FRMPD4: variants seen among roughly 807,000 people sequenced by gnomAD.
FRMPD4 encodes the protein FERM and PDZ domain-containing protein 4.
Under a neutral mutation model 94.1 loss-of-function variants are expected in FRMPD4, and 22 were observed. The ratio of observed to expected loss-of-function variants is 0.23; its 90% CI spans 0.17 to 0.33. FRMPD4 has a LOEUF of 0.33. FRMPD4 is among the 10% of genes least tolerant of loss of function. FRMPD4 has a pLI of 1.00. For missense variants in FRMPD4, 1,111 were observed against 1,339.9 expected (o/e 0.83, Z 2.67); for synonymous variants, 631 against 548.6 (o/e 1.15, Z -2.10).
At chrX:11,830,848 A>T (rs986684110) in intron 1 of FRMPD4, among the ~76,000 whole-genome samples, 1 of 110,943 alleles carries the variant, frequency 9.0e-6, no homozygotes, top group African/African-American at 3.3e-5. Context: ...TAATTGAGAG[A>T]CTGCTTATAA....
chrX:12,488,570 T>C (rs2057761009), intron 1 of FRMPD4, among the ~76,000 whole-genome samples: 2 of 111,869 alleles, frequency 1.8e-5, no homozygotes, highest in South Asian at 7.5e-4. Context: ...AATATGCAGG[T>C]ATGTGATGGG....
chrX:12,038,172 G>A (rs1016103562), intron 3 of FRMPD4, among the ~76,000 whole-genome samples: 7 of 111,766 alleles, frequency 6.3e-5, no homozygotes, highest in Non-Finnish European at 1.1e-4. Flanking sequence ...GATATTAAGT[G>A]GTATGCTTAA....
intron 4 of FRMPD4, among the ~76,000 whole-genome samples, chrX:12,670,542 C>A (rs909277413): frequency 8.9e-6 from 1 of 111,991 alleles, no homozygotes; most frequent in African/African-American, 3.2e-5. Flanking sequence ...TAGCCACATG[C>A]AGAAAGCTCA....
chrX:12,274,870 G>A (rs1383914979), intron 1 of FRMPD4, among the ~76,000 whole-genome samples: 1 of 111,713 alleles, frequency 9.0e-6, no homozygotes, highest in Non-Finnish European at 1.9e-5. Flanking sequence ...TTAGCCAGAC[G>A]CGGTGGTGGG....
intron 1 of FRMPD4, among the ~76,000 whole-genome samples, chrX:11,844,490 T>A (rs756538858): frequency 2.2e-4 from 24 of 111,548 alleles, no homozygotes; most frequent in Admixed American, 1.1e-3. Flanking sequence ...GTGCCCACAC[T>A]TTTAGTCAAA....
In FRMPD4 at chrX:12,717,703, C is replaced by T. The variant is rs372691529; in HGVS notation, c.2877C>T (p.Pro959=). The T allele has an allele frequency of 1.1e-5, 13 of 1,208,779 alleles. No homozygotes were observed. Among genetic ancestry groups the T allele is most frequent in the African/African-American group, 8.7e-5 (5 of 57,313 alleles). Residue 959 remains proline (P), a synonymous_variant, in exon 16 of 17, where the codon CCC becomes CCT. Transcript: ENST00000675598. ...CCGAGTTCCCGGCCTCCAAGACCCC[C>T]GCTGGGGGCTTGCCTCCAAAGTCCT... ...EQTEFPASKT[P]AGGLPPKSSH...
At chrX:11,883,504 A>G (rs2053825548) in intron 3 of FRMPD4, among the ~76,000 whole-genome samples, 1 of 111,727 alleles carries the variant, frequency 9.0e-6, no homozygotes, top group Admixed American at 9.6e-5. Flanking sequence ...AAAGCATTAT[A>G]CTAAGCTCTA....
intron 1 of FRMPD4, among the ~76,000 whole-genome samples, chrX:12,193,158 T>C (rs1447132767): frequency 5.4e-5 from 6 of 111,472 alleles, no homozygotes; most frequent in Admixed American, 2.9e-4. Context: ...TGGTTCCAAA[T>C]CAGCTCTTCT....
At chrX:12,301,179 C>T (rs940618984) in intron 1 of FRMPD4, among the ~76,000 whole-genome samples, 13 of 111,709 alleles carry the variant, frequency 1.2e-4, no homozygotes, top group African/African-American at 3.9e-4. Flanking sequence ...TCACTGTCTC[C>T]TCCCTGACTC....
chrX:11,918,262 A>T (rs2054036071), intron 3 of FRMPD4, among the ~76,000 whole-genome samples: 1 of 112,959 alleles, frequency 8.9e-6, no homozygotes, highest in Admixed American at 9.3e-5. Context: ...TGTAAGGGAG[A>T]GAATAAATTT....
chrX:12,244,783 G>A (rs1011893250), intron 1 of FRMPD4, among the ~76,000 whole-genome samples: 3 of 112,245 alleles, frequency 2.7e-5, no homozygotes, highest in African/African-American at 9.7e-5. Context: ...TGTTTGCAGA[G>A]GCAAGGTGGA....
intron 2 of FRMPD4, among the ~76,000 whole-genome samples, chrX:12,515,759 G>A (rs1345823385): frequency 6.3e-5 from 7 of 111,628 alleles, no homozygotes; most frequent in African/African-American, 6.5e-5. Flanking sequence ...TTTCTGTCTC[G>A]ATGATCTGTC....
At chrX:12,585,725 C>T (rs1461864440) in intron 2 of FRMPD4, among the ~76,000 whole-genome samples, 2 of 112,132 alleles carry the variant, frequency 1.8e-5, no homozygotes, top group Non-Finnish European at 3.8e-5. Flanking sequence ...AGTCACTAGT[C>T]ACATGAGGAC....
chrX:12,668,534 CCTT>C (rs2059803599), intron 4 of FRMPD4, among the ~76,000 whole-genome samples: 1 of 109,002 alleles, frequency 9.2e-6, no homozygotes, highest in Non-Finnish European at 1.9e-5. Flanking sequence ...GCTGAGGAGT[CCTT>C]CTTCCAGAAT....
chrX:12,585,747 C>G (rs1201626302), intron 2 of FRMPD4, among the ~76,000 whole-genome samples: 1 of 112,056 alleles, frequency 8.9e-6, no homozygotes, highest in Non-Finnish European at 1.9e-5. Context: ...GGAAATGTGT[C>G]TAGTCTGATT....
At chrX:12,406,421 C>T (rs372622145) in intron 1 of FRMPD4, among the ~76,000 whole-genome samples, 3 of 111,576 alleles carry the variant, frequency 2.7e-5, no homozygotes, top group South Asian at 3.7e-4. Context: ...ATTGGCTTTT[C>T]GATGTTAGAG....
chrX:12,139,064 T>A (rs1445619405), intron 1 of FRMPD4, 52 bp downstream of exon 1: 1 of 1,007,646 alleles, frequency 9.9e-7, no homozygotes, highest in Non-Finnish European at 1.3e-6. Context: ...CGCGGGCAAC[T>A]TGGTGCCTTA....
chrX:12,718,716 C>T lies in FRMPD4; in HGVS notation c.3890C>T (p.Ala1297Val). The change falls in exon 16 of 17, where the codon GCC (alanine) becomes GTC (valine). Residue 1297 changes from alanine to valine, a missense_variant. By Grantham distance (64) the Ala-to-Val change is moderately conservative. Coordinates refer to ENST00000675598, the MANE Select transcript of FRMPD4 (RefSeq NM_001368397.1). ...ATGACAGTGCCTGCTCTGCACACAGCCATTAACACCGAACCCCTGTTTGGC... is the reference window on the plus strand; with the variant it reads ...ATGACAGTGCCTGCTCTGCACACAGTCATTAACACCGAACCCCTGTTTGGC... ...PRMTVPALHTAINTEPLFGTL... is the reference protein window; with the variant it reads ...PRMTVPALHTVINTEPLFGTL... 1 of 1,208,978 alleles carries T rather than the reference C, an allele frequency of 8.3e-7. No homozygotes were observed. The highest frequency in any genetic ancestry group is 1.1e-6 in the Non-Finnish European group (1 of 892,995).
rs748718409 is a variant in FRMPD4 at position 11,841,209 on chromosome X, G to A, written c.-161+18494G>A. ...GTGAATAGTGCCACAATAAACATAC[G>A]TGTGCATGTGTCTTTATAGCAGCAT... On this transcript the variant is annotated intron_variant, in intron 1 of 18. Coordinates refer to the FRMPD4 transcript ENST00000640291. 2.6e-4 allele frequency among the ~76,000 whole-genome samples: 28 copies of A among 108,590 alleles called. No individual in the cohort carries two copies. The East Asian group carries it at 5.6e-3, about 22-fold the overall frequency. The allele number at this position is 108,590 out of a possible 115,157, so 94.3% of individuals were successfully genotyped here.
Sources: gnomAD v4.1 joint callset for allele counts (sites outside exome capture counted in the v4.1 genomes callset) on GRCh38, gnomAD v4.1.1 for gene constraint, MANE v1.5 for transcripts, NCBI Gene and HGNC (gene_info 2026-07-23, HGNC 2026-07-21) for gene names.